The following RNLS variants were observed in gnomAD, a reference collection of about 807,000 sequenced individuals.
RNLS encodes the protein renalase.
Under a neutral mutation model 39.8 loss-of-function variants are expected in RNLS, and 39 were observed. The observed-to-expected ratio is 0.98, with a 90% CI of 0.76 to 1.28. RNLS has a LOEUF of 1.28. Ranked by LOEUF, RNLS falls within the 50% of genes most tolerant of loss-of-function variation. The pLI is 0.00. For synonymous variants in RNLS, 147 were observed against 150.7 expected, an observed-to-expected ratio of 0.98 and a Z score of 0.18; for missense variants, 410 against 413.3, an observed-to-expected ratio of 0.99 and a Z score of 0.07.
At chr10:88,462,235 T>C (rs944237175) in intron 4 of RNLS, among the ~76,000 whole-genome samples, 1 of 152,074 alleles carries the variant, frequency 6.6e-6, no homozygotes, top group Admixed American at 6.6e-5. Flanking sequence ...TATGGGTACA[T>C]AGTAGGTGTA....
At chr10:88,206,817 G>A in the RNLS span, among the ~76,000 whole-genome samples, 1 of 151,852 alleles carries the variant, frequency 6.6e-6, no homozygotes, top group Non-Finnish European at 1.5e-5. Flanking sequence ...GAAAAAGAAG[G>A]CCTTTTTTTT....
At chr10:88,582,989 A>G (rs1850731960) in intron 1 of RNLS, 84 bp downstream of exon 1, 2 of 1,470,868 alleles carry the variant, frequency 1.4e-6, no homozygotes, top group Non-Finnish European at 1.8e-6. Context: ...TTCGCCTTAG[A>G]CTTTCTTGGG....
chr10:88,382,999 T>A (rs538358197), intron 4 of RNLS, among the ~76,000 whole-genome samples: 33 of 152,256 alleles, frequency 2.2e-4, no homozygotes, highest in Non-Finnish European at 4.3e-4. Context: ...TTTCAAAATG[T>A]AAGGCATCTT....
chr10:88,434,397 CT>C (rs1358829093), intron 4 of RNLS, among the ~76,000 whole-genome samples: 10 of 152,120 alleles, frequency 6.6e-5, no homozygotes, highest in Admixed American at 2.0e-4. Context: ...TTGAGCTCTA[CT>C]TTGGGTTCTA....
intron 4 of RNLS, among the ~76,000 whole-genome samples, chr10:88,465,847 G>C (rs528306297): frequency 1.1e-4 from 16 of 152,034 alleles, no homozygotes; most frequent in Non-Finnish European, 1.9e-4. Flanking sequence ...GCAGCATACA[G>C]TTATAAATAA....
chr10:88,338,626 A>C (rs1589590745), intron 5 of RNLS, among the ~76,000 whole-genome samples: 1 of 152,332 alleles, frequency 6.6e-6, no homozygotes, highest in East Asian at 1.9e-4. Flanking sequence ...ATGTAGTTTG[A>C]TATACGTGCT....
At chr10:88,521,710 C>G (rs1846747983) in intron 4 of RNLS, among the ~76,000 whole-genome samples, 1 of 151,916 alleles carries the variant, frequency 6.6e-6, no homozygotes, top group Admixed American at 6.6e-5. Flanking sequence ...TGACACAGAA[C>G]TGGGGCTTGG....
intron 5 of RNLS, among the ~76,000 whole-genome samples, chr10:88,347,260 C>T (rs1054037976): frequency 6.6e-5 from 10 of 152,224 alleles, no homozygotes; most frequent in African/African-American, 2.2e-4. Flanking sequence ...GCTTACGACC[C>T]AGAGTGTTGA....
chr10:88,481,750 T>C (rs1012849016), intron 4 of RNLS, among the ~76,000 whole-genome samples: 1 of 152,218 alleles, frequency 6.6e-6, no homozygotes, highest in Non-Finnish European at 1.5e-5. Flanking sequence ...GAGCCTTTTA[T>C]ATTATTAACC....
intron 5 of RNLS, among the ~76,000 whole-genome samples, chr10:88,335,740 G>T (rs542394965): frequency 1.3e-5 from 2 of 152,170 alleles, no homozygotes; most frequent in Non-Finnish European, 2.9e-5. Flanking sequence ...TATAAGAGAG[G>T]TTGCTCTGTG....
chr10:88,303,996 G>A (rs1199223129), intron 6 of RNLS, among the ~76,000 whole-genome samples: 1 of 152,224 alleles, frequency 6.6e-6, no homozygotes, highest in African/African-American at 2.4e-5. Context: ...ATCACAGTGG[G>A]CTGCTAACCT....
chr10:88,274,921 A>T (rs762392528), exon 7 of RNLS: 8 of 1,527,134 alleles, frequency 5.2e-6, no homozygotes, highest in Non-Finnish European at 6.3e-6. Context: ...AAAAAAAAAA[A>T]TCAAATAAAA....
the RNLS span, among the ~76,000 whole-genome samples, chr10:88,259,649 G>A: frequency 1.3e-5 from 2 of 152,196 alleles, no homozygotes; most frequent in East Asian, 1.9e-4. Flanking sequence ...TGAGTTGTGT[G>A]TAGAACATGC....
chr10:88,448,684 T>C (rs368940098), intron 4 of RNLS, among the ~76,000 whole-genome samples: 3 of 152,228 alleles, frequency 2.0e-5, no homozygotes, highest in East Asian at 3.8e-4. Context: ...CATGCTGCTA[T>C]ATAGACACAT....
chr10:88,233,193 G>T, the RNLS span, among the ~76,000 whole-genome samples: 6 of 152,228 alleles, frequency 3.9e-5, no homozygotes. Context: ...AGCGAAAGCA[G>T]CTCTCCAGCA....
At chr10:88,327,895 G>C (rs189887945) in intron 5 of RNLS, among the ~76,000 whole-genome samples, 1 of 152,062 alleles carries the variant, frequency 6.6e-6, no homozygotes, top group Non-Finnish European at 1.5e-5. Flanking sequence ...GAGCCACTGC[G>C]CCCAGCCAAT....
chr10:88,363,330 A>T (rs1849789360), intron 4 of RNLS, among the ~76,000 whole-genome samples: 1 of 152,126 alleles, frequency 6.6e-6, no homozygotes. Flanking sequence ...TGATCTGTGC[A>T]GCAAACCACC....
At chr10:88,576,147 C>A (rs1410890097) in intron 3 of RNLS, among the ~76,000 whole-genome samples, 1 of 152,136 alleles carries the variant, frequency 6.6e-6, no homozygotes, top group African/African-American at 2.4e-5. Context: ...ATTGTAAGTT[C>A]TCTCATAATG....
At chr10:88,375,183 A>G (rs1850879256) in intron 4 of RNLS, among the ~76,000 whole-genome samples, 1 of 152,046 alleles carries the variant, frequency 6.6e-6, no homozygotes, top group South Asian at 2.1e-4. Context: ...ACCAACTTCT[A>G]CCACAACAAC....
Sources: gnomAD v4.1 joint callset for allele counts (sites outside exome capture counted in the v4.1 genomes callset) on GRCh38, gnomAD v4.1.1 for gene constraint, MANE v1.5 for transcripts, NCBI Gene and HGNC (gene_info 2026-07-23, HGNC 2026-07-21) for gene names.